Variants in ADGRG6 observed in about 807,000 individuals in gnomAD.
ADGRG6 encodes the protein adhesion G protein-coupled receptor G6.
A neutral mutation model predicts 142.4 loss-of-function variants in ADGRG6; 84 were observed. The observed-to-expected ratio is 0.59, with a 90% CI of 0.49 to 0.71. The LOEUF is 0.71. Among genes scored for constraint, ADGRG6 ranks in the 30% least tolerant of loss-of-function variants. The probability of loss-of-function intolerance (pLI) is 0.00; values close to 1 mark genes in which losing one functional copy is unlikely to be tolerated. For synonymous variants in ADGRG6, 521 were observed against 520.5 expected (o/e 1.00, Z -0.01); for missense variants, 1,367 against 1,466.6 (o/e 0.93, Z 1.11).
intron 1 of ADGRG6, among the ~76,000 whole-genome samples, chr6:142,304,539 G>A (rs9321862): frequency 0.083 from 12,661 of 152,126 alleles, 1,657 homozygotes; most frequent in African/African-American, 0.28. Context: ...CTGTAGTTTT[G>A]TAGCCTAACT....
intron 1 of ADGRG6, among the ~76,000 whole-genome samples, chr6:142,308,465 C>G (rs987025464): frequency 6.6e-6 from 1 of 152,054 alleles, no homozygotes; most frequent in Admixed American, 6.6e-5. Flanking sequence ...GAGTATTTCT[C>G]TTTCTGCTTT....
intron 2 of ADGRG6, among the ~76,000 whole-genome samples, chr6:142,316,839 C>T (rs1405875598): frequency 6.6e-6 from 1 of 151,910 alleles, no homozygotes; most frequent in Non-Finnish European, 1.5e-5. Context: ...TCCAAGTATA[C>T]ACTGAGGTTG....
intron 2 of ADGRG6, among the ~76,000 whole-genome samples, chr6:142,352,455 G>A (rs898170717): frequency 5.9e-5 from 9 of 152,056 alleles, no homozygotes; most frequent in Admixed American, 1.3e-4. Context: ...CAGACACTAG[G>A]AACTGCTTGA....
At chr6:142,307,019 T>C (rs1777533772) in intron 1 of ADGRG6, among the ~76,000 whole-genome samples, 1 of 152,070 alleles carries the variant, frequency 6.6e-6, no homozygotes. Context: ...ACTGATAGGA[T>C]TGCAGGCAGC....
At position 142,367,804 on chromosome 6, in the gene ADGRG6, A is replaced by G. The variant is rs1328012262; in HGVS notation, c.339A>G (p.Ala113=). Residue 113 remains alanine (A), a synonymous_variant, in exon 3 of 25, where the codon GCA becomes GCG. Coordinates refer to ENST00000367609, the MANE Select transcript of ADGRG6 (RefSeq NM_198569.3). ...AGAGCCAGACTAAATTTTGTGGAGC[A>G]ACTGCCAAAGGCCTATCATTTAACT... ...NGESQTKFCG[A]TAKGLSFNSS... The G allele has an allele frequency of 6.2e-7, 1 of 1,613,670 alleles. No homozygotes were observed. The highest frequency in any genetic ancestry group is 8.5e-7 in the Non-Finnish European group (1 of 1,179,672).
rs185892665 is a variant in ADGRG6, at chr6:142,373,325, C to T, written c.1069+2532C>T. Reference sequence around the variant, plus strand: ...GTATGAAGGTCCAAGAGCCATCTCTCTGGCCAGCAGTGCATTCTGTGAGAA... The same window carrying T: ...GTATGAAGGTCCAAGAGCCATCTCTTTGGCCAGCAGTGCATTCTGTGAGAA... On this transcript the variant is annotated intron_variant, in intron 4 of 24. Coordinates refer to ENST00000367609, the MANE Select transcript of ADGRG6 (RefSeq NM_198569.3). 1.4e-4 allele frequency among the ~76,000 whole-genome samples: 21 copies of T among 151,850 alleles called. No individual in the cohort carries two copies. In the East Asian group the frequency reaches 3.9e-3, roughly 28 times the overall value.
At chr6:142,355,598 G>A (rs907045165) in intron 2 of ADGRG6, among the ~76,000 whole-genome samples, 29 of 151,976 alleles carry the variant, frequency 1.9e-4, no homozygotes, top group African/African-American at 6.0e-4. Context: ...GCTCTCCAGC[G>A]ACAGGGAGTG....
At chr6:142,369,260 T>C (rs1781104992) in intron 3 of ADGRG6, among the ~76,000 whole-genome samples, 1 of 152,246 alleles carries the variant, frequency 6.6e-6, no homozygotes, top group African/African-American at 2.4e-5. Flanking sequence ...ATTTTGCATG[T>C]ATCATGGATT....
intron 22 of ADGRG6, 99 bp from the exon 23 acceptor site, chr6:142,437,335 G>A (rs1329611368): frequency 8.2e-6 from 5 of 606,958 alleles, no homozygotes; most frequent in East Asian, 2.9e-5. Context: ...TGCCTTTGAT[G>A]TAAAAAATTT....
intron 22 of ADGRG6, among the ~76,000 whole-genome samples, chr6:142,427,338 C>G (rs1054011150): frequency 5.9e-5 from 9 of 152,182 alleles, no homozygotes; most frequent in African/African-American, 2.2e-4. Context: ...AGGGTGGGAT[C>G]AAAATGCCGC....
At position 142,411,284 on chromosome 6, in the gene ADGRG6, GT is replaced by G. The variant is rs767953776; in HGVS notation, c.2435-18del. On this transcript the variant is annotated intron_variant, in intron 17 of 24. Coordinates refer to ENST00000367609, the MANE Select transcript of ADGRG6 (RefSeq NM_198569.3). Reference sequence around the variant, plus strand: ...GAAACTGACCTGCTGTTTTCACACTGTTTGTTGATTCCTTCAACAGAAAGTT... The same window carrying G: ...GAAACTGACCTGCTGTTTTCACACTGTTGTTGATTCCTTCAACAGAAAGTT... 2.1e-5 allele frequency: 28 copies of G among 1,339,550 alleles called. No individual in the cohort carries two copies. Among genetic ancestry groups the G allele is most frequent in the African/African-American group, 2.9e-5 (2 of 69,718 alleles). 83.0% of individuals were successfully genotyped at this position (1,339,550 alleles called of 1,614,324 possible).
chr6:142,413,899 T>TCTCA (rs200677950), intron 18 of ADGRG6, among the ~76,000 whole-genome samples: 15 of 141,394 alleles, frequency 1.1e-4, no homozygotes, highest in African/African-American at 2.1e-4. Flanking sequence ...CATTTCTTTA[T>TCTCA]CACACACACA....
intron 6 of ADGRG6, among the ~76,000 whole-genome samples, chr6:142,385,810 T>C (rs1233958703): frequency 2.0e-5 from 3 of 152,180 alleles, no homozygotes; most frequent in Non-Finnish European, 2.9e-5. Flanking sequence ...TTTCACCTTA[T>C]GAATACATGC....
chr6:142,395,624 AG>A (rs1775146565), intron 9 of ADGRG6, among the ~76,000 whole-genome samples: 2 of 152,196 alleles, frequency 1.3e-5, no homozygotes, highest in Non-Finnish European at 2.9e-5. Context: ...AGAAAATTAT[AG>A]GGAGAATGAA....
At chr6:142,334,249 G>A (rs916391234) in intron 2 of ADGRG6, among the ~76,000 whole-genome samples, 2 of 152,112 alleles carry the variant, frequency 1.3e-5, no homozygotes, top group African/African-American at 4.8e-5. Flanking sequence ...CACATAAAAA[G>A]CAGGGAATCA....
intron 4 of ADGRG6, among the ~76,000 whole-genome samples, chr6:142,371,484 G>GTTT (rs1273994234): frequency 3.2e-5 from 3 of 93,178 alleles, no homozygotes; most frequent in Non-Finnish European, 4.1e-5. Flanking sequence ...GTTTTTTTTT[G>GTTT]TTTTTTTTTT....
chr6:142,445,243 G>A lies in ADGRG6; in HGVS notation c.*1728G>A, dbSNP rs1777924606. 6.6e-6 allele frequency: 1 copy of A among 152,034 alleles called. No homozygotes were observed. Among genetic ancestry groups the A allele is most frequent in the Admixed American group, 6.6e-5 (1 of 15,250 alleles). 9.4% of individuals were successfully genotyped at this position (152,034 alleles called of 1,614,324 possible). On this transcript the variant is annotated 3_prime_UTR_variant, in exon 25 of 25. Transcript: ENST00000367609. ...CTTTCACGGGGGAGGGTTGTATTCA[G>A]TAAAAAAGAATAGTAAATATAAGGT... is the stretch of plus-strand genomic sequence containing the variant.
Position 142,383,810 on chromosome 6 carries a change from C to T in ADGRG6, c.1189C>T (p.Pro397Ser). Reference protein sequence around the residue: ...TTPPTVTTNMPVTNRIDKQRN... With the variant: ...TTPPTVTTNMSVTNRIDKQRN... Reference sequence around the variant, plus strand: ...ACCACCCACTGTCACCACTAACATGCCTGTTACTAACAGAATCGATAAACA... The same window carrying T: ...ACCACCCACTGTCACCACTAACATGTCTGTTACTAACAGAATCGATAAACA... Residue 397 changes from proline (P) to serine (S), a missense_variant, in exon 6 of 25, where the codon CCT becomes TCT. This residue lies in a region of ADGRG6 where 737 missense variants were observed against 746.5 expected (regional missense o/e 0.99). Coordinates refer to ENST00000367609, the MANE Select transcript of ADGRG6 (RefSeq NM_198569.3). 1 of 1,572,600 alleles carries T rather than the reference C, an allele frequency of 6.4e-7. No homozygotes were observed. The highest frequency in any genetic ancestry group is 1.3e-5 in the African/African-American group (1 of 74,096).
At chr6:142,443,055 A>G (rs1408461635) in intron 24 of ADGRG6, among the ~76,000 whole-genome samples, 3 of 152,112 alleles carry the variant, frequency 2.0e-5, no homozygotes, top group Admixed American at 6.6e-5. Context: ...GTGGTTTTCC[A>G]ATTATTTTTT....
Sources: gnomAD v4.1 joint callset for allele counts (sites outside exome capture counted in the v4.1 genomes callset) on GRCh38, gnomAD v4.1.1 for gene constraint, gnomAD v4.1.1 regional missense constraint, MANE v1.5 for transcripts, NCBI Gene and HGNC (gene_info 2026-07-23, HGNC 2026-07-21) for gene names.